The following AQR variants were observed in gnomAD, a reference collection of about 807,000 sequenced individuals.
AQR encodes aquarius intron-binding spliceosomal factor, also known as RNA helicase aquarius.
AQR carries 61 observed loss-of-function variants against 180.5 expected under a neutral mutation model. The observed-to-expected ratio is 0.34, with a 90% CI of 0.28 to 0.42. The LOEUF (loss-of-function observed/expected upper bound fraction) is 0.42, where lower values mean the gene tolerates loss of function less well. Ranked by LOEUF, AQR falls within the 10% of genes least tolerant of loss-of-function variation. AQR has a pLI of 1.00. For synonymous variants in AQR, 551 were observed against 588.8 expected (o/e 0.94, Z 0.93); for missense variants, 1,281 against 1,798.3 (o/e 0.71, Z 5.20).
In AQR at chr15:34,862,818, T is replaced by A. The variant is rs752890782; in HGVS notation, c.4029+49A>T. The A allele has an allele frequency of 4.4e-6, 7 of 1,594,808 alleles. No individual in the cohort carries two copies. The South Asian group carries it at 7.8e-5, about 18-fold the overall frequency. On this transcript the variant is annotated intron_variant, in intron 33 of 34. Transcript: ENST00000156471. ...GTGGTCACCTATAAGAAAATCCCAA[T>A]TTCCACTCTGAGGAATGCTGTTTTA... is the stretch of plus-strand genomic sequence containing the variant.
chr15:34,909,450 T>C (rs1893466480), intron 17 of AQR, among the ~76,000 whole-genome samples: 1 of 152,230 alleles, frequency 6.6e-6, no homozygotes, highest in Non-Finnish European at 1.5e-5. Flanking sequence ...ATCCTTAAAA[T>C]CTTGCCTAGC....
intron 33 of AQR, among the ~76,000 whole-genome samples, chr15:34,862,307 A>G (rs946478013): frequency 1.3e-5 from 2 of 152,192 alleles, no homozygotes; most frequent in African/African-American, 4.8e-5. Context: ...GATAAATAAC[A>G]TGAACTCTGG....
At chr15:34,867,417 A>T in intron 32 of AQR, 107 bp downstream of exon 32, 1 of 933,654 alleles carries the variant, frequency 1.1e-6, no homozygotes, top group Non-Finnish European at 1.7e-6. Flanking sequence ...TTGCCTAGTA[A>T]TTATAGTTTA....
chr15:34,961,366 C>T (rs1308366126), intron 2 of AQR, among the ~76,000 whole-genome samples: 1 of 151,974 alleles, frequency 6.6e-6, no homozygotes, highest in Admixed American at 6.6e-5. Flanking sequence ...AATCCGAGCA[C>T]TTTGGGAGGC....
At chr15:34,896,771 C>T in intron 22 of AQR, 126 bp downstream of exon 22, 1 of 776,196 alleles carries the variant, frequency 1.3e-6, no homozygotes, top group Admixed American at 2.2e-5. Flanking sequence ...ATCACTTGAA[C>T]CTGGGAGGCA....
rs562121527 is a variant in AQR at position 34,854,402 on chromosome 15, C to G, written c.*2390G>C. 1 of 152,114 alleles carries G rather than the reference C, an allele frequency of 6.6e-6. No individual in the cohort carries two copies. The highest frequency in any genetic ancestry group is 6.5e-5 in the Admixed American group (1 of 15,274). 9.4% of individuals were successfully genotyped at this position (152,114 alleles called of 1,614,324 possible). On this transcript the variant is annotated 3_prime_UTR_variant, in exon 35 of 35. Coordinates refer to ENST00000156471, the MANE Select transcript of AQR (RefSeq NM_014691.3). Reference sequence around the variant, plus strand: ...AAAACTCTTGAATTTATTAAGCAATCCCTCATGTGTGCTTGATTGAAAAAA... The same window carrying G: ...AAAACTCTTGAATTTATTAAGCAATGCCTCATGTGTGCTTGATTGAAAAAA...
intron 27 of AQR, among the ~76,000 whole-genome samples, chr15:34,878,385 C>CAAA (rs5811839): frequency 9.6e-4 from 40 of 41,460 alleles, no homozygotes; most frequent in East Asian, 2.0e-3. Flanking sequence ...GACTCTGTCT[C>CAAA]AAAAAAAAAA....
intron 31 of AQR, chr15:34,869,936 T>A (rs907858803): frequency 1.3e-5 from 2 of 152,208 alleles, no homozygotes; most frequent in African/African-American, 4.8e-5. Context: ...ATCTATGTTT[T>A]GCTGTTCTTC....
intron 5 of AQR, among the ~76,000 whole-genome samples, chr15:34,945,889 A>G (rs1015815475): frequency 6.6e-6 from 1 of 152,208 alleles, no homozygotes; most frequent in African/African-American, 2.4e-5. Flanking sequence ...TTGGATCCCT[A>G]CTGATCAAGC....
At chr15:34,930,153 C>A in intron 12 of AQR, 105 bp downstream of exon 12, 3 of 583,014 alleles carry the variant, frequency 5.1e-6, no homozygotes, top group Non-Finnish European at 8.8e-6. Flanking sequence ...AATATAAAAA[C>A]ACTATTAAAT....
rs1892538460 is a variant in AQR at position 34,853,235 on chromosome 15, G to T, written c.*3557C>A. On this transcript the variant is annotated 3_prime_UTR_variant, in exon 35 of 35. Coordinates refer to ENST00000156471, the MANE Select transcript of AQR (RefSeq NM_014691.3). ...ACTGCTCTTCTGGCTTATGCAAAAG[G>T]GTCACTGTTTTTTTTTTTTTTTTAA... 1 of 148,918 alleles carries T rather than the reference G, an allele frequency of 6.7e-6. No individual in the cohort carries two copies. Among genetic ancestry groups the T allele is most frequent in the African/African-American group, 2.6e-5 (1 of 38,788 alleles). The allele number at this position is 148,918 out of a possible 1,614,324, so 9.2% of individuals were successfully genotyped here. A position where few individuals can be genotyped will look rare whatever the true frequency, so the allele number is the denominator to read the frequency against.
rs769036121 is a variant in AQR, at chr15:34,930,302, T to G, written c.970A>C (p.Asn324His). The change falls in exon 12 of 35, where the codon AAT becomes CAT. Residue 324 changes from asparagine to histidine, a missense_variant. Asn to His is a moderately conservative substitution (Grantham distance 68, BLOSUM62 1). This residue lies in a region of AQR where 404 missense variants were observed against 490.9 expected (regional missense o/e 0.82). Transcript: ENST00000156471. Reference protein sequence around the residue: ...NDQTGNALTENEMTTIHYDRI... With the variant: ...NDQTGNALTEHEMTTIHYDRI... ...TCATAGTGAATTGTGGTCATCTCAT[T>G]CTCTGTCAGAGCATTTCCAGTTTGG... 2 of 1,611,066 alleles carry G rather than the reference T, an allele frequency of 1.2e-6. No homozygotes were observed. Among genetic ancestry groups the G allele is most frequent in the Non-Finnish European group, 1.7e-6 (2 of 1,178,016 alleles).
intron 5 of AQR, among the ~76,000 whole-genome samples, chr15:34,945,745 T>A (rs1276825674): frequency 6.6e-6 from 1 of 152,204 alleles, no homozygotes; most frequent in African/African-American, 2.4e-5. Flanking sequence ...CTATCACCTT[T>A]TCACTTTGGT....
intron 18 of AQR, among the ~76,000 whole-genome samples, chr15:34,906,045 A>G (rs1158495326): frequency 1.3e-5 from 2 of 151,788 alleles, no homozygotes; most frequent in East Asian, 1.9e-4. Context: ...GGGGGAAAAA[A>G]AGAAAAAGAT....
At chr15:34,936,537 GA>G (rs1275995595) in intron 9 of AQR, among the ~76,000 whole-genome samples, 1 of 152,086 alleles carries the variant, frequency 6.6e-6, no homozygotes, top group African/African-American at 2.4e-5. Flanking sequence ...CCAACATGGT[GA>G]AACCCCATCT....
At chr15:34,872,680 G>A (rs1317529676) in intron 30 of AQR, among the ~76,000 whole-genome samples, 2 of 152,070 alleles carry the variant, frequency 1.3e-5, no homozygotes, top group Non-Finnish European at 2.9e-5. Context: ...TACACAAATA[G>A]AGTAACTTGA....
At chr15:34,950,739 G>A (rs1302922968) in intron 4 of AQR, among the ~76,000 whole-genome samples, 1 of 152,012 alleles carries the variant, frequency 6.6e-6, no homozygotes, top group South Asian at 2.1e-4. Flanking sequence ...TTATAGTAGA[G>A]AATATTACCC....
rs1177316532 is a variant in AQR, at chr15:34,948,279, G to A, written c.315C>T (p.Asn105=). 13 of 1,613,376 alleles carry A rather than the reference G, an allele frequency of 8.1e-6. No homozygotes were observed. Among genetic ancestry groups the A allele is most frequent in the Middle Eastern group, 1.6e-4 (1 of 6,082 alleles). Residue 105 remains asparagine, a synonymous_variant, in exon 5 of 35, where the codon AAC becomes AAT. Transcript: ENST00000156471. ...AATCAGTTACCTCCCATGCAGGCAC[G>A]TTTTCTCTAAACTTCTCATTCACCA... The part of the protein sequence containing the change: ...CCMVNEKFRE[N]VPAWEIFKKK...
Position 34,874,663 on chromosome 15 carries a change from C to T in AQR, c.3425+14G>A, listed in dbSNP as rs373849838. On this transcript the variant is annotated intron_variant, in intron 29 of 34. Coordinates refer to ENST00000156471, the MANE Select transcript of AQR (RefSeq NM_014691.3). ...TCCTTAAATGGGAATGATTTTTTTT[C>T]CTGTCTCTTTTACCTTGCTCTGGCT... The T allele has an allele frequency of 2.2e-4, 358 of 1,605,006 alleles. No individual in the cohort carries two copies. Among genetic ancestry groups the T allele is most frequent in the African/African-American group, 3.2e-4 (24 of 73,946 alleles).
Sources: allele counts gnomAD v4.1 joint callset (sites outside exome capture counted in the v4.1 genomes callset), GRCh38; gene constraint gnomAD v4.1.1; regional missense constraint gnomAD v4.1.1; transcripts MANE v1.5; gene names NCBI Gene and HGNC (gene_info 2026-07-23, HGNC 2026-07-21).